The following SORCS1 variants were observed in gnomAD, a reference collection of about 807,000 sequenced individuals.
SORCS1 encodes VPS10 domain-containing receptor SorCS1.
Under a neutral mutation model 146.1 loss-of-function variants are expected in SORCS1, and 60 were observed. The ratio of observed to expected loss-of-function variants is 0.41; its 90% confidence interval spans 0.33 to 0.51. SORCS1 has a LOEUF of 0.51. SORCS1 is among the 20% of genes least tolerant of loss of function. The pLI, the probability that SORCS1 is intolerant of heterozygous loss-of-function variation, is 0.21. For synonymous variants in SORCS1, 637 were observed against 584.0 expected, an observed-to-expected ratio of 1.09 and a Z score of -1.31; for missense variants, 1,352 against 1,487.6, an observed-to-expected ratio of 0.91 and a Z score of 1.50.
chr10:107,017,579 A>G (rs1957951269), intron 1 of SORCS1, among the ~76,000 whole-genome samples: 1 of 152,214 alleles, frequency 6.6e-6, no homozygotes, highest in African/African-American at 2.4e-5. Context: ...CAAAAGCAGG[A>G]ACTCACTCTC....
intron 1 of SORCS1, among the ~76,000 whole-genome samples, chr10:106,981,320 G>A (rs898789857): frequency 6.6e-6 from 1 of 152,300 alleles, no homozygotes; most frequent in Middle Eastern, 3.4e-3. Flanking sequence ...TTCTTTGGGA[G>A]AGTAATTAAA....
At chr10:106,818,385 T>TA (rs369664314) in intron 3 of SORCS1, among the ~76,000 whole-genome samples, 1 of 151,324 alleles carries the variant, frequency 6.6e-6, no homozygotes, top group Non-Finnish European at 1.5e-5. Context: ...TTTTTTTTTT[T>TA]AGATGGATTC....
At chr10:107,065,524 C>T (rs1961754295) in intron 1 of SORCS1, among the ~76,000 whole-genome samples, 1 of 116,728 alleles carries the variant, frequency 8.6e-6, no homozygotes, top group Admixed American at 1.1e-4. Context: ...TTCTTTCTTT[C>T]TTTCTTTCTC....
chr10:106,593,316 C>T (rs754557666), intron 24 of SORCS1, among the ~76,000 whole-genome samples: 12 of 151,862 alleles, frequency 7.9e-5, no homozygotes, highest in African/African-American at 1.2e-4. Context: ...CTAAAGGTAA[C>T]GTAGGAGCAA....
intron 2 of SORCS1, among the ~76,000 whole-genome samples, chr10:106,954,475 A>T (rs1236889827): frequency 1.3e-5 from 2 of 152,120 alleles, no homozygotes; most frequent in African/African-American, 4.8e-5. Flanking sequence ...TTTCAGTTAC[A>T]TCCCTGTAAC....
intron 3 of SORCS1, among the ~76,000 whole-genome samples, chr10:106,779,161 A>G (rs546021351): frequency 2.0e-5 from 3 of 152,252 alleles, no homozygotes; most frequent in Non-Finnish European, 2.9e-5. Context: ...CACCTTCTCT[A>G]TGCAGCCCTC....
chr10:106,875,660 C>T (rs1041351225), intron 2 of SORCS1, among the ~76,000 whole-genome samples: 5 of 152,098 alleles, frequency 3.3e-5, no homozygotes, highest in African/African-American at 1.2e-4. Context: ...GCCATTGTTG[C>T]AGGAGTAAGG....
At chr10:106,942,462 C>T (rs1480256680) in intron 2 of SORCS1, among the ~76,000 whole-genome samples, 5 of 152,170 alleles carry the variant, frequency 3.3e-5, no homozygotes, top group Non-Finnish European at 7.3e-5. Context: ...CATGCTGACC[C>T]CAGGGTGTGG....
chr10:106,629,250 C>A lies in SORCS1; in HGVS notation c.2614G>T (p.Asp872Tyr), dbSNP rs1848287701. Residue 872 changes from aspartate to tyrosine, a missense_variant, in exon 19 of 26, where the codon GAC becomes TAC. Coordinates refer to ENST00000263054, the MANE Select transcript of SORCS1 (RefSeq NM_052918.5). ...GCGCTGTCAGAACCCAGACTGTTGTCCACCTGCACGGTCACACGGAAAATG... is the reference window on the plus strand; with the variant it reads ...GCGCTGTCAGAACCCAGACTGTTGTACACCTGCACGGTCACACGGAAAATG... ...VGIFRVTVQVDNSLGSDSAVL... is the reference protein window; with the variant it reads ...VGIFRVTVQVYNSLGSDSAVL... The A allele has an allele frequency of 1.9e-6, 3 of 1,613,946 alleles. No homozygotes were observed. Among genetic ancestry groups the A allele is most frequent in the Non-Finnish European group, 2.5e-6 (3 of 1,179,984 alleles).
intron 3 of SORCS1, among the ~76,000 whole-genome samples, chr10:106,788,817 C>T (rs987719304): frequency 5.3e-5 from 8 of 152,160 alleles, no homozygotes; most frequent in African/African-American, 1.2e-4. Context: ...GTCTGGAGGA[C>T]GGTGGCCCTC....
chr10:106,904,007 T>C (rs540434423), intron 2 of SORCS1, among the ~76,000 whole-genome samples: 1 of 152,174 alleles, frequency 6.6e-6, no homozygotes. Context: ...AACTCTTATC[T>C]CTTGAAAAAC....
chr10:106,819,037 GA>G (rs1473094252), intron 3 of SORCS1, among the ~76,000 whole-genome samples: 1 of 152,104 alleles, frequency 6.6e-6, no homozygotes, highest in Non-Finnish European at 1.5e-5. Context: ...AAAAGATCTG[GA>G]ACAAAATAGG....
intron 1 of SORCS1, among the ~76,000 whole-genome samples, chr10:107,072,256 G>A (rs1962492717): frequency 6.6e-6 from 1 of 152,186 alleles, no homozygotes; most frequent in Admixed American, 6.5e-5. Flanking sequence ...AAGCAGGAAG[G>A]CTGCAGAGGC....
At chr10:107,050,639 T>C (rs1334013677) in intron 1 of SORCS1, among the ~76,000 whole-genome samples, 1 of 152,206 alleles carries the variant, frequency 6.6e-6, no homozygotes, top group Non-Finnish European at 1.5e-5. Flanking sequence ...GTTCATCTTG[T>C]CAGCAGTTGA....
chr10:107,125,992 C>A (rs771657344), intron 1 of SORCS1, among the ~76,000 whole-genome samples: 4 of 152,154 alleles, frequency 2.6e-5, no homozygotes, highest in Non-Finnish European at 1.5e-5. Flanking sequence ...ACGTGTTGGG[C>A]AAATGTCTGT....
chr10:106,640,208 G>T (rs1848984139), intron 18 of SORCS1, among the ~76,000 whole-genome samples: 1 of 152,120 alleles, frequency 6.6e-6, no homozygotes, highest in Non-Finnish European at 1.5e-5. Context: ...CCATCTGATG[G>T]CTGACAGCAT....
upstream of SORCS1, among the ~76,000 whole-genome samples, chr10:107,165,852 C>G (rs1970033928): frequency 6.6e-6 from 1 of 152,134 alleles, no homozygotes; most frequent in African/African-American, 2.4e-5. The surrounding 1 kb of genome is among the most constrained non-coding windows in gnomAD (Gnocchi z 4.0). Context: ...ATTAAATGGT[C>G]ACATTAGATG....
intron 1 of SORCS1, among the ~76,000 whole-genome samples, chr10:107,033,588 T>C (rs545757153): frequency 2.0e-5 from 3 of 152,350 alleles, no homozygotes; most frequent in South Asian, 4.1e-4. Context: ...AATTTCTCTA[T>C]GCTAAGCTCT....
intron 17 of SORCS1, among the ~76,000 whole-genome samples, chr10:106,654,203 A>G (rs556368521): frequency 8.5e-5 from 13 of 152,342 alleles, no homozygotes; most frequent in Admixed American, 7.2e-4. Flanking sequence ...GAGAGTGCTT[A>G]CTATGTCCTA....
Sources: gnomAD v4.1 joint callset for allele counts (sites outside exome capture counted in the v4.1 genomes callset) on GRCh38, gnomAD v4.1.1 for gene constraint, Gnocchi (gnomAD v3.1) non-coding constraint, MANE v1.5 for transcripts, NCBI Gene and HGNC (gene_info 2026-07-23, HGNC 2026-07-21) for gene names.